The following PDE10A variants were observed in gnomAD, a reference collection of about 807,000 sequenced individuals.
The protein encoded by PDE10A is phosphodiesterase 10A, also known as cAMP and cAMP-inhibited cGMP 3',5'-cyclic phosphodiesterase 10A.
In PDE10A, 39 loss-of-function variants were observed where a neutral mutation model predicts 97.7. That is an observed-to-expected ratio of 0.40 (90% confidence interval 0.31 to 0.52). PDE10A has a LOEUF of 0.52. Among genes scored for constraint, PDE10A ranks in the 20% least tolerant of loss-of-function variants. The pLI is 0.56. For synonymous variants in PDE10A, 371 were observed against 376.8 expected, an observed-to-expected ratio of 0.98 and a Z score of 0.18; for missense variants, 731 against 1,047.8, an observed-to-expected ratio of 0.70 and a Z score of 4.17.
intron 2 of PDE10A, among the ~76,000 whole-genome samples, chr6:165,504,496 T>C (rs1781078991): frequency 1.3e-5 from 2 of 152,306 alleles, no homozygotes; most frequent in South Asian, 4.1e-4. Context: ...CCAGCACAGC[T>C]GTAGCCACAC....
chr6:165,953,394 T>C (rs300115), intron 1 of PDE10A, among the ~76,000 whole-genome samples: 51,583 of 151,894 alleles, frequency 0.34, 9,232 homozygotes, highest in African/African-American at 0.46. Context: ...AGTTCAAGAC[T>C]CACCTGACCA....
intron 1 of PDE10A, among the ~76,000 whole-genome samples, chr6:165,629,340 G>C (rs1788525084): frequency 6.6e-6 from 1 of 152,106 alleles, no homozygotes; most frequent in Non-Finnish European, 1.5e-5. Flanking sequence ...ACAGCATACA[G>C]CTAAGGTTCT....
chr6:165,713,543 G>A (rs536784654), intron 1 of PDE10A, among the ~76,000 whole-genome samples: 7 of 152,340 alleles, frequency 4.6e-5, no homozygotes, highest in East Asian at 1.9e-4. Flanking sequence ...GCCTGTGTGC[G>A]TGGCAGCAAG....
chr6:165,477,853 G>T (rs952151970), intron 3 of PDE10A, among the ~76,000 whole-genome samples: 4 of 152,172 alleles, frequency 2.6e-5, no homozygotes, highest in Non-Finnish European at 5.9e-5. Flanking sequence ...AACAAAATCT[G>T]CTGACAAACT....
chr6:165,490,131 G>A (rs1780144653), intron 2 of PDE10A, among the ~76,000 whole-genome samples: 1 of 152,158 alleles, frequency 6.6e-6, no homozygotes, highest in Non-Finnish European at 1.5e-5. Context: ...TCATTGCCTA[G>A]GCACAGAGTC....
At chr6:165,831,371 C>CAAAAAAAAAA (rs760962725) in intron 1 of PDE10A, among the ~76,000 whole-genome samples, 1 of 44,800 alleles carries the variant, frequency 2.2e-5, no homozygotes, top group Non-Finnish European at 3.7e-5. Flanking sequence ...GACTCTGTCT[C>CAAAAAAAAAA]AAAAAAAAAA....
chr6:165,898,893 G>T (rs1017746292), intron 1 of PDE10A, among the ~76,000 whole-genome samples: 12 of 152,176 alleles, frequency 7.9e-5, no homozygotes, highest in African/African-American at 2.2e-4. Flanking sequence ...TTTCCAGAAG[G>T]TTCTTCCTCC....
chr6:165,340,531 C>T (rs1378221013), intron 19 of PDE10A, among the ~76,000 whole-genome samples: 3 of 152,200 alleles, frequency 2.0e-5, no homozygotes, highest in Non-Finnish European at 4.4e-5. Context: ...CTTCTCTATC[C>T]AAAGTGAGTG....
At chr6:165,476,043 A>T (rs1779276028) in intron 3 of PDE10A, among the ~76,000 whole-genome samples, 1 of 152,218 alleles carries the variant, frequency 6.6e-6, no homozygotes, top group Non-Finnish European at 1.5e-5. Context: ...AAGGACATTT[A>T]CATGAATAGT....
intron 1 of PDE10A, among the ~76,000 whole-genome samples, chr6:165,748,742 T>C (rs1474653620): frequency 6.6e-6 from 1 of 152,060 alleles, no homozygotes; most frequent in Non-Finnish European, 1.5e-5. Flanking sequence ...TGAACAGAAA[T>C]GCACACAGTG....
At chr6:165,652,493 C>T (rs1789734105) in intron 1 of PDE10A, among the ~76,000 whole-genome samples, 1 of 152,152 alleles carries the variant, frequency 6.6e-6, no homozygotes, top group African/African-American at 2.4e-5. Flanking sequence ...AGCCTTCAAG[C>T]CCTTTTGGAT....
At chr6:165,378,422 G>T (rs1784745379) in intron 18 of PDE10A, among the ~76,000 whole-genome samples, 1 of 152,130 alleles carries the variant, frequency 6.6e-6, no homozygotes, top group Non-Finnish European at 1.5e-5. Flanking sequence ...ACAGGAACAG[G>T]AAAGCCACAG....
intron 1 of PDE10A, among the ~76,000 whole-genome samples, chr6:165,918,775 T>A (rs901572558): frequency 5.9e-5 from 9 of 151,668 alleles, no homozygotes; most frequent in African/African-American, 2.2e-4. Flanking sequence ...GGAGCAGGAG[T>A]AGGTGAAGCC....
chr6:165,964,186 G>A (rs1005598518), intron 1 of PDE10A, among the ~76,000 whole-genome samples: 2 of 152,116 alleles, frequency 1.3e-5, no homozygotes, highest in Non-Finnish European at 2.9e-5. Flanking sequence ...GGAGCAACTT[G>A]TCAAGGTTTA....
chr6:165,871,179 A>G (rs977795556), intron 1 of PDE10A, among the ~76,000 whole-genome samples: 1 of 152,244 alleles, frequency 6.6e-6, no homozygotes, highest in Non-Finnish European at 1.5e-5. Context: ...CAGCGTACGC[A>G]TGTATTGAAA....
At chr6:165,374,262 T>G (rs941039323) in intron 18 of PDE10A, among the ~76,000 whole-genome samples, 2 of 151,792 alleles carry the variant, frequency 1.3e-5, no homozygotes, top group Admixed American at 1.3e-4. Flanking sequence ...TCTATAAAAA[T>G]ACATAAAGAA....
intron 1 of PDE10A, among the ~76,000 whole-genome samples, chr6:165,789,051 GAGCAT>G (rs1429754596): frequency 6.6e-6 from 1 of 152,186 alleles, no homozygotes; most frequent in Non-Finnish European, 1.5e-5. Flanking sequence ...GGGAGGGGCA[GAGCAT>G]CCTCTGTGGG....
chr6:165,563,097 A>G (rs1358320523), intron 1 of PDE10A, among the ~76,000 whole-genome samples: 1 of 149,452 alleles, frequency 6.7e-6, no homozygotes, highest in Non-Finnish European at 1.5e-5. Context: ...AATCAGAATA[A>G]TTTCAGTACT....
At chr6:165,860,088 G>A (rs1348556145) in intron 1 of PDE10A, among the ~76,000 whole-genome samples, 1 of 152,192 alleles carries the variant, frequency 6.6e-6, no homozygotes, top group Admixed American at 6.5e-5. Context: ...ATTGGGTCCA[G>A]TGTATACTGC....
Sources: allele counts gnomAD v4.1 joint callset (sites outside exome capture counted in the v4.1 genomes callset), GRCh38; gene constraint gnomAD v4.1.1; transcripts MANE v1.5; gene names NCBI Gene and HGNC (gene_info 2026-07-23, HGNC 2026-07-21).